The following ST3GAL3 variants were observed in gnomAD, a reference collection of about 807,000 sequenced individuals.
The protein encoded by ST3GAL3 is ST3 beta-galactoside alpha-2,3-sialyltransferase 3.
In ST3GAL3, 21 loss-of-function variants were observed where a neutral mutation model predicts 50.1. The observed-to-expected ratio is 0.42, with a 90% CI of 0.30 to 0.60. ST3GAL3 has a LOEUF of 0.60. Ranked by LOEUF, ST3GAL3 falls within the 20% of genes least tolerant of loss-of-function variation. The pLI, the probability that ST3GAL3 is intolerant of heterozygous loss-of-function variation, is 0.19. For synonymous variants in ST3GAL3, 183 were observed against 190.0 expected (o/e 0.96, Z 0.30); for missense variants, 353 against 489.4 (o/e 0.72, Z 2.63).
chr1:43,848,874 T>C (rs1289869157), intron 5 of ST3GAL3, among the ~76,000 whole-genome samples: 1 of 152,214 alleles, frequency 6.6e-6, no homozygotes, highest in African/African-American at 2.4e-5. Context: ...GGATAGTTTA[T>C]ATTGCTATGT....
At chr1:43,917,840 TG>T (rs2082332385) in intron 9 of ST3GAL3, among the ~76,000 whole-genome samples, 1 of 147,566 alleles carries the variant, frequency 6.8e-6, no homozygotes, top group Non-Finnish European at 1.5e-5. Context: ...GGCTAATTTT[TG>T]TATTTTTTGG....
In ST3GAL3 at chr1:43,906,559, C is replaced by A. The variant is rs185467930; in HGVS notation, c.744+6832C>A. Among the ~76,000 whole-genome samples the A allele has an allele frequency of 4.3e-3, 622 of 145,910 alleles. 2 individuals carry two copies. The highest frequency in any genetic ancestry group is 0.029 in the Middle Eastern group (8 of 272). Reference sequence around the variant, plus strand: ...GCCACTCTTCCTCCTGTTCCTCTTCCCGCCACTCTTCCTCCTCCTCCTGTT... The same window carrying A: ...GCCACTCTTCCTCCTGTTCCTCTTCACGCCACTCTTCCTCCTCCTCCTGTT... On this transcript the variant is annotated intron_variant, in intron 9 of 11. Transcript: ENST00000347631.
At chr1:43,893,550 C>T (rs759467404) in intron 5 of ST3GAL3, among the ~76,000 whole-genome samples, 25 of 152,212 alleles carry the variant, frequency 1.6e-4, no homozygotes, top group Non-Finnish European at 3.2e-4. Context: ...TCCCTTCAGA[C>T]TTCGTCTCCT....
At chr1:43,752,176 A>G (rs1385064536) in intron 2 of ST3GAL3, among the ~76,000 whole-genome samples, 1 of 152,178 alleles carries the variant, frequency 6.6e-6, no homozygotes, top group Non-Finnish European at 1.5e-5. Context: ...AGCGCTTTGC[A>G]TGCATCATGT....
At chr1:43,851,013 G>A in intron 5 of ST3GAL3, 1 of 847,178 alleles carries the variant, frequency 1.2e-6, no homozygotes, top group South Asian at 1.3e-5. Context: ...CAAATGGGGA[G>A]GGCACCACGC....
intron 4 of ST3GAL3, among the ~76,000 whole-genome samples, chr1:43,826,857 C>T (rs891170016): frequency 6.6e-6 from 1 of 152,076 alleles, no homozygotes; most frequent in African/African-American, 2.4e-5. Context: ...ATAATCATAT[C>T]CATAGATGTA....
Position 43,899,298 on chromosome 1 carries a change from C to A in ST3GAL3, c.557+35C>A. On this transcript the variant is annotated intron_variant, in intron 8 of 11. Coordinates refer to ENST00000347631, the MANE Select transcript of ST3GAL3 (RefSeq NM_006279.5). This position sits in a 1 kb window ranked among gnomAD's most constrained non-coding sequence, Gnocchi z 5.4. The stretch of plus-strand genomic sequence containing the variant: ...CCAAAATGGCACCTCGGGTGAGTGT[C>A]GTGGCCCCAACCCTTAGTCCTGAGC... 1.2e-6 allele frequency: 2 copies of A among 1,614,088 alleles called. No homozygotes were observed. Among genetic ancestry groups the A allele is most frequent in the South Asian group, 2.2e-5 (2 of 91,052 alleles).
At chr1:43,835,143 G>C (rs1216943963) in intron 4 of ST3GAL3, among the ~76,000 whole-genome samples, 1 of 152,156 alleles carries the variant, frequency 6.6e-6, no homozygotes, top group Non-Finnish European at 1.5e-5. Flanking sequence ...AAAATGAAAG[G>C]CCAGCTGCAG....
chr1:43,870,644 G>T (rs1266983410), intron 5 of ST3GAL3, among the ~76,000 whole-genome samples: 1 of 151,954 alleles, frequency 6.6e-6, no homozygotes, highest in Non-Finnish European at 1.5e-5. Flanking sequence ...TCTGGAGGGT[G>T]GGGGTGGGAG....
chr1:43,793,510 C>G (rs2058335437), intron 3 of ST3GAL3, among the ~76,000 whole-genome samples: 1 of 152,136 alleles, frequency 6.6e-6, no homozygotes, highest in Non-Finnish European at 1.5e-5. Context: ...GATAAAGAAG[C>G]TAATGCTCAA....
At chr1:43,780,106 T>A (rs7549701) in intron 2 of ST3GAL3, among the ~76,000 whole-genome samples, 3 of 151,938 alleles carry the variant, frequency 2.0e-5, no homozygotes, top group Non-Finnish European at 4.4e-5. Flanking sequence ...TGTACTGATT[T>A]CCTGAGAAAG....
At chr1:43,848,797 T>C (rs1558565782) in intron 5 of ST3GAL3, among the ~76,000 whole-genome samples, 1 of 152,238 alleles carries the variant, frequency 6.6e-6, no homozygotes. Flanking sequence ...CTATATTATT[T>C]GTCCCACAGG....
At chr1:43,880,178 A>G (rs1017851061) in intron 5 of ST3GAL3, among the ~76,000 whole-genome samples, 9 of 152,178 alleles carry the variant, frequency 5.9e-5, no homozygotes, top group Non-Finnish European at 1.2e-4. Context: ...GGGGTGCCAC[A>G]AAGTCTGCTG....
intron 9 of ST3GAL3, among the ~76,000 whole-genome samples, chr1:43,917,920 G>A (rs372294343): frequency 5.3e-5 from 8 of 149,864 alleles, no homozygotes; most frequent in African/African-American, 1.2e-4. Flanking sequence ...TCTGCCCCTC[G>A]GCCTCCCAAA....
intron 4 of ST3GAL3, among the ~76,000 whole-genome samples, chr1:43,819,520 C>G (rs2061820284): frequency 6.6e-6 from 1 of 152,124 alleles, no homozygotes. Context: ...GGCTTTGGCC[C>G]ACAAGTGTAG....
intron 2 of ST3GAL3, chr1:43,739,374 A>G (rs1679857815): frequency 6.6e-6 from 1 of 151,834 alleles, no homozygotes; most frequent in South Asian, 2.1e-4. Flanking sequence ...ACCACGCCCA[A>G]CTAATTTTTC....
chr1:43,788,448 G>A (rs765437242), intron 2 of ST3GAL3, among the ~76,000 whole-genome samples: 6 of 152,136 alleles, frequency 3.9e-5, no homozygotes, highest in Non-Finnish European at 7.3e-5. Flanking sequence ...AAAACTCTTA[G>A]GATGCTTTTC....
At chr1:43,817,591 C>CCTT (rs1558437700) in intron 4 of ST3GAL3, among the ~76,000 whole-genome samples, 1 of 50,276 alleles carries the variant, frequency 2.0e-5, no homozygotes, top group African/African-American at 7.1e-5. Flanking sequence ...TCCTCCTTCT[C>CCTT]CTCCTCCCTT....
intron 2 of ST3GAL3, among the ~76,000 whole-genome samples, chr1:43,755,640 GAAAT>G (rs1687746787): frequency 6.6e-6 from 1 of 151,984 alleles, no homozygotes. Flanking sequence ...GCAGTTGTTA[GAAAT>G]AACAGACCAA....
Sources: gnomAD v4.1 joint callset for allele counts (sites outside exome capture counted in the v4.1 genomes callset) on GRCh38, gnomAD v4.1.1 for gene constraint, Gnocchi (gnomAD v3.1) non-coding constraint, MANE v1.5 for transcripts, NCBI Gene and HGNC (gene_info 2026-07-23, HGNC 2026-07-21) for gene names.